The following REV3L variants were observed in gnomAD, a reference collection of about 807,000 sequenced individuals.
REV3L encodes the protein REV3 like, DNA directed polymerase zeta catalytic subunit.
In REV3L, 69 loss-of-function variants were observed where a neutral mutation model predicts 299.4. That is an observed-to-expected ratio of 0.23 (90% CI 0.19 to 0.28). REV3L has a LOEUF of 0.28. REV3L is among the 10% of genes least tolerant of loss of function. The pLI is 1.00. For synonymous variants in REV3L, 1,238 were observed against 1,271.4 expected (o/e 0.97, Z 0.56); for missense variants, 3,128 against 3,693.8 (o/e 0.85, Z 3.97).
intron 17 of REV3L, 43 bp downstream of exon 17, chr6:111,358,779 C>T (rs1156700849): frequency 2.7e-6 from 4 of 1,463,450 alleles, no homozygotes; most frequent in African/African-American, 1.4e-5. Flanking sequence ...AAAACATTCA[C>T]CCTAGAGTGG....
intron 26 of REV3L, among the ~76,000 whole-genome samples, chr6:111,321,223 A>C (rs1415440720): frequency 1.3e-5 from 2 of 152,140 alleles, no homozygotes; most frequent in Non-Finnish European, 2.9e-5. Flanking sequence ...TGCTGGCCTA[A>C]ATAATATCAA....
intron 1 of REV3L, among the ~76,000 whole-genome samples, chr6:111,423,896 C>T (rs1301293650): frequency 1.3e-5 from 2 of 152,148 alleles, no homozygotes; most frequent in Admixed American, 6.5e-5. Flanking sequence ...GGCGGGTTGA[C>T]TTCTGTTTTG....
intron 1 of REV3L, among the ~76,000 whole-genome samples, chr6:111,423,359 T>G (rs940857765): frequency 6.6e-6 from 1 of 152,134 alleles, no homozygotes; most frequent in African/African-American, 2.4e-5. Flanking sequence ...ATGAATCAGA[T>G]TTAGCCAAGC....
Position 111,333,185 on chromosome 6 carries a change from A to G in REV3L, c.7863T>C (p.Ser2621=). ...AGCAGTAGTTATATGCAATCACAAT[A>G]GAAGGATAAAGTGATTGGAAATCCA... ...LVLDFQSLYP[S]IVIAYNYCFS... is the part of the protein sequence containing the mutation. Residue 2621 remains serine, a synonymous_variant, in exon 23 of 32, where the codon TCT becomes TCC. Coordinates refer to ENST00000368802, the MANE Select transcript of REV3L (RefSeq NM_001372078.1). The G allele has an allele frequency of 1.2e-6, 2 of 1,614,154 alleles. No homozygotes were observed. The highest frequency in any genetic ancestry group is 1.3e-5 in the African/African-American group (1 of 75,050).
intron 1 of REV3L, among the ~76,000 whole-genome samples, chr6:111,433,707 C>T (rs1336342282): frequency 6.6e-6 from 1 of 152,114 alleles, no homozygotes; most frequent in African/African-American, 2.4e-5. Flanking sequence ...TTCTATGAGA[C>T]CAGCATTACC....
chr6:111,389,855 G>T (rs996229923), intron 6 of REV3L, among the ~76,000 whole-genome samples: 4 of 146,834 alleles, frequency 2.7e-5, no homozygotes, highest in Non-Finnish European at 3.0e-5. Context: ...CCCTGCCTCA[G>T]CCTCCCAAGT....
At chr6:111,364,522 A>C (rs1015422492) in intron 15 of REV3L, among the ~76,000 whole-genome samples, 1 of 152,020 alleles carries the variant, frequency 6.6e-6, no homozygotes, top group African/African-American at 2.4e-5. Context: ...GTTTTCCCCA[A>C]AGTGTTATGT....
In REV3L at chr6:111,318,458, G is replaced by A. The variant is rs530915590; in HGVS notation, c.8352-3077C>T. Among the ~76,000 whole-genome samples the A allele has an allele frequency of 1.3e-4, 20 of 152,208 alleles. No homozygotes were observed. In the East Asian group the frequency reaches 3.5e-3, roughly 27 times the overall value. Reference sequence around the variant, plus strand: ...TTCTTTTTTCTAAGATAAGCATAAAGGAGTGGAATCACTGGGTCATATGCT... The same window carrying A: ...TTCTTTTTTCTAAGATAAGCATAAAAGAGTGGAATCACTGGGTCATATGCT... On this transcript the variant is annotated intron_variant, in intron 26 of 31. Transcript: ENST00000368802.
At chr6:111,416,058 T>C (rs1212148194) in intron 2 of REV3L, among the ~76,000 whole-genome samples, 2 of 152,174 alleles carry the variant, frequency 1.3e-5, no homozygotes, top group African/African-American at 2.4e-5. Flanking sequence ...TGAATTTCTA[T>C]AGTTACAGGA....
At chr6:111,483,670 G>GA (rs1794051060), upstream of REV3L, 2 of 413,502 alleles carry the variant, frequency 4.8e-6, no homozygotes, top group African/African-American at 4.3e-5. Context: ...CACAAGGTAA[G>GA]AAAATCCGCC....
At chr6:111,350,752 CT>C (rs35185792) in intron 19 of REV3L, among the ~76,000 whole-genome samples, 57,066 of 138,522 alleles carry the variant, frequency 0.41, 13,166 homozygotes, top group Non-Finnish European at 0.54. Flanking sequence ...AATTTTCTTT[CT>C]TTTTTTTTTT....
chr6:111,371,043 C>T (rs1312395670), intron 13 of REV3L, among the ~76,000 whole-genome samples: 1 of 151,896 alleles, frequency 6.6e-6, no homozygotes. Context: ...GTGTCCTCTG[C>T]TGCTTTTCCT....
intron 18 of REV3L, chr6:111,356,680 T>C (rs1778124467): frequency 1.3e-5 from 2 of 157,594 alleles, no homozygotes; most frequent in African/African-American, 2.4e-5. Flanking sequence ...AATAATACAA[T>C]GGAACTTTAT....
At chr6:111,311,027 A>ATTC in intron 29 of REV3L, 42 bp downstream of exon 29, 1 of 1,506,234 alleles carries the variant, frequency 6.6e-7, no homozygotes, top group Non-Finnish European at 9.0e-7. Flanking sequence ...ACCTGTGCAG[A>ATTC]ATCTCAGGAC....
intron 5 of REV3L, among the ~76,000 whole-genome samples, chr6:111,390,828 G>A (rs905419557): frequency 2.6e-5 from 4 of 152,022 alleles, no homozygotes; most frequent in Non-Finnish European, 4.4e-5. Context: ...CTGGATCTTT[G>A]ACTCAAAAGC....
At chr6:111,451,458 CTT>C (rs780200410) in intron 1 of REV3L, among the ~76,000 whole-genome samples, 3 of 152,110 alleles carry the variant, frequency 2.0e-5, no homozygotes, top group Non-Finnish European at 4.4e-5. Flanking sequence ...TTTAGGTGCA[CTT>C]TTGACAGGCT....
chr6:111,332,185 C>T (rs1051970878), intron 23 of REV3L, among the ~76,000 whole-genome samples: 2 of 152,136 alleles, frequency 1.3e-5, no homozygotes, highest in African/African-American at 4.8e-5. Context: ...CATTCTCCTG[C>T]CTCAGCCTCC....
intron 1 of REV3L, among the ~76,000 whole-genome samples, chr6:111,458,718 T>G (rs779401520): frequency 1.3e-5 from 2 of 151,890 alleles, no homozygotes; most frequent in Non-Finnish European, 2.9e-5. Flanking sequence ...TAGGAATACA[T>G]CTAATGAAAG....
At position 111,315,172 on chromosome 6, in the gene REV3L, A is replaced by G. The variant is rs543158912; in HGVS notation, c.8466+95T>C. On this transcript the variant is annotated intron_variant, in intron 27 of 31. Coordinates refer to ENST00000368802, the MANE Select transcript of REV3L (RefSeq NM_001372078.1). ...ATTTAACACTTTAATAGACCCGTAT[A>G]CTGTTAGTGATTCTGAAAATGTACT... 5 of 1,019,318 alleles carry G rather than the reference A, an allele frequency of 4.9e-6. No individual in the cohort carries two copies. The South Asian group carries it at 5.9e-5, about 12-fold the overall frequency. The allele number at this position is 1,019,318 out of a possible 1,614,324, so 63.1% of individuals were successfully genotyped here. A position where few individuals can be genotyped will look rare whatever the true frequency, so the allele number is the denominator to read the frequency against.
Sources: allele counts gnomAD v4.1 joint callset (sites outside exome capture counted in the v4.1 genomes callset), GRCh38; gene constraint gnomAD v4.1.1; transcripts MANE v1.5; gene names NCBI Gene and HGNC (gene_info 2026-07-23, HGNC 2026-07-21).